Variants in SSH2 observed in about 807,000 individuals in gnomAD.
SSH2 encodes the protein slingshot protein phosphatase 2, also known as protein phosphatase Slingshot homolog 2.
A neutral mutation model predicts 135.2 loss-of-function variants in SSH2; 37 were observed. The ratio of observed to expected loss-of-function variants is 0.27; its 90% CI spans 0.21 to 0.36. The LOEUF is 0.36. Among genes scored for constraint, SSH2 ranks in the 10% least tolerant of loss-of-function variants. The pLI is 1.00. For missense variants in SSH2, 1,408 were observed against 1,765.3 expected (o/e 0.80, Z 3.63); for synonymous variants, 628 against 646.2 (o/e 0.97, Z 0.43).
At chr17:29,779,284 A>C (rs1598984910) in intron 3 of SSH2, among the ~76,000 whole-genome samples, 1 of 152,350 alleles carries the variant, frequency 6.6e-6, no homozygotes, top group South Asian at 2.1e-4. Flanking sequence ...TTCAGAAACA[A>C]AGAATACTTC....
At chr17:29,695,335 A>T in intron 5 of SSH2, 124 bp downstream of exon 5, 1 of 651,838 alleles carries the variant, frequency 1.5e-6, no homozygotes, top group Non-Finnish European at 2.6e-6. Flanking sequence ...AACACTCCAC[A>T]TTATCTTCTC....
At chr17:29,816,561 G>A (rs2042563206) in intron 2 of SSH2, among the ~76,000 whole-genome samples, 1 of 152,156 alleles carries the variant, frequency 6.6e-6, no homozygotes, top group South Asian at 2.1e-4. Context: ...GGTATGGTAG[G>A]TTAGTAGATA....
chr17:29,852,010 G>A (rs1280522084), intron 1 of SSH2, among the ~76,000 whole-genome samples: 2 of 152,112 alleles, frequency 1.3e-5, no homozygotes, highest in Non-Finnish European at 2.9e-5. Flanking sequence ...GGCTGGGCAC[G>A]GTGGCTCATG....
At chr17:29,692,202 A>C (rs1484465245) in intron 5 of SSH2, among the ~76,000 whole-genome samples, 1 of 152,068 alleles carries the variant, frequency 6.6e-6, no homozygotes, top group Non-Finnish European at 1.5e-5. Flanking sequence ...TTGACTATCA[A>C]ACTTTTAACC....
In SSH2 at chr17:29,636,413, G is replaced by C. The variant is rs201366205; in HGVS notation, c.1817C>G (p.Pro606Arg). Reference sequence around the variant, plus strand: ...GTTGGCCATTTCTGGGACATGTCCAGGCTGAATTAAGGCTTTGGATGCATG... The same window carrying C: ...GTTGGCCATTTCTGGGACATGTCCACGCTGAATTAAGGCTTTGGATGCATG... ...NCHASKALIQ[P>R]GHVPEMANKF... Residue 606 changes from proline to arginine, a missense_variant, in exon 15 of 16, where the codon CCT becomes CGT. By Grantham distance (103) the Pro-to-Arg change is moderately radical. This residue lies in a region of SSH2 where 1,080 missense variants were observed against 1,144.5 expected (regional missense o/e 0.94). Transcript: ENST00000540801. 313 of 1,614,116 alleles carry C rather than the reference G, an allele frequency of 1.9e-4. No homozygotes were observed. The highest frequency in any genetic ancestry group is 2.4e-4 in the Non-Finnish European group (281 of 1,180,062).
rs766582687 is a variant in SSH2, at chr17:29,632,017, G to A, written c.3177C>T (p.Thr1059=). 1.8e-5 allele frequency: 29 copies of A among 1,614,082 alleles called. No individual in the cohort carries two copies. Among genetic ancestry groups the A allele is most frequent in the Non-Finnish European group, 2.4e-5 (28 of 1,180,044 alleles). Reference sequence around the variant, plus strand: ...GCCCTTGCTCTCCGCTCTTCTCACTGGTGGCTATTTCACTCCCTGGCCCAG... The same window carrying A: ...GCCCTTGCTCTCCGCTCTTCTCACTAGTGGCTATTTCACTCCCTGGCCCAG... ...NHTGPGSEIA[T]SEKSGEQGLR... Residue 1059 remains threonine, a synonymous_variant, in exon 16 of 16, where the codon ACC becomes ACT. Transcript: ENST00000540801.
At chr17:29,759,220 A>T (rs995964115) in intron 3 of SSH2, among the ~76,000 whole-genome samples, 1 of 151,424 alleles carries the variant, frequency 6.6e-6, no homozygotes, top group African/African-American at 2.4e-5. Context: ...TATTTTTCTT[A>T]AGATGGAGTC....
chr17:29,894,839 C>T (rs1170465459), intron 1 of SSH2, among the ~76,000 whole-genome samples: 1 of 151,898 alleles, frequency 6.6e-6, no homozygotes, highest in African/African-American at 2.4e-5. Context: ...TCCACCTTCC[C>T]CCAATTAAGT....
In SSH2 at chr17:29,796,045, A is replaced by G. The variant is rs1345905012; in HGVS notation, c.145-2108T>C. 3.9e-5 allele frequency among the ~76,000 whole-genome samples: 6 copies of G among 152,134 alleles called. No homozygotes were observed. In the East Asian group the frequency reaches 5.8e-4, roughly 15 times the overall value. Reference sequence around the variant, plus strand: ...GGCGTGAGCCACCGTGCCCGGCCACATTATTTTTTAATTGCATTAAATATT... The same window carrying G: ...GGCGTGAGCCACCGTGCCCGGCCACGTTATTTTTTAATTGCATTAAATATT... On this transcript the variant is annotated intron_variant, in intron 2 of 15. Transcript: ENST00000540801.
chr17:29,798,447 G>A (rs934631362), intron 2 of SSH2, among the ~76,000 whole-genome samples: 1 of 152,044 alleles, frequency 6.6e-6, no homozygotes, highest in South Asian at 2.1e-4. Context: ...GTGAGCCACC[G>A]TGCCCAGCTC....
intron 3 of SSH2, among the ~76,000 whole-genome samples, chr17:29,705,968 C>T (rs1795721566): frequency 6.6e-6 from 1 of 152,096 alleles, no homozygotes; most frequent in Non-Finnish European, 1.5e-5. Flanking sequence ...AATATAAGCT[C>T]CAAGAGGGCA....
chr17:29,644,233 C>T (rs952373455), intron 14 of SSH2, among the ~76,000 whole-genome samples: 1 of 152,194 alleles, frequency 6.6e-6, no homozygotes, highest in African/African-American at 2.4e-5. Flanking sequence ...GAGGGTTTGG[C>T]TATTGGGGAG....
At chr17:29,676,968 G>T in intron 7 of SSH2, 83 bp from the exon 8 acceptor site, 1 of 1,181,248 alleles carries the variant, frequency 8.5e-7, no homozygotes, top group Non-Finnish European at 1.3e-6. Context: ...TGTATCCCAG[G>T]CTAAAAACAA....
rs1162589726 is a variant in SSH2, at chr17:29,732,357, G to C, written c.189-29295C>G. Among the ~76,000 whole-genome samples, 3 of 152,072 alleles carry C rather than the reference G, an allele frequency of 2.0e-5. No homozygotes were observed. In the East Asian group the frequency reaches 5.8e-4, roughly 29 times the overall value. On this transcript the variant is annotated intron_variant, in intron 3 of 15. Transcript: ENST00000540801. ...GCTTAGGCTTTACCTTTCACATTTG[G>C]AATAAATGTTGAATTCTGGACAATG...
At chr17:29,705,329 G>C (rs9303626) in intron 3 of SSH2, among the ~76,000 whole-genome samples, 18,578 of 152,088 alleles carry the variant, frequency 0.12, 2,863 homozygotes, top group African/African-American at 0.37. Flanking sequence ...AAAGTAGAGG[G>C]AATAACTATG....
At chr17:29,748,026 A>G (rs79728827) in intron 3 of SSH2, among the ~76,000 whole-genome samples, 1 of 151,540 alleles carries the variant, frequency 6.6e-6, no homozygotes, top group Non-Finnish European at 1.5e-5. Context: ...AGTAGTTTAG[A>G]AAAAAAAAGA....
chr17:29,712,691 C>A lies in SSH2; in HGVS notation c.189-9629G>T, dbSNP rs142094778. On this transcript the variant is annotated intron_variant, in intron 3 of 15. Transcript: ENST00000540801. ...TGGTGGCATGTGCCTGTAATCCCAG[C>A]TACTCGGAAGGCTGAGGCAGGAGAA... 9.8e-4 allele frequency among the ~76,000 whole-genome samples: 150 copies of A among 152,312 alleles called. 2 individuals carry two copies. In the Middle Eastern group the frequency reaches 0.01, roughly 10 times the overall value.
intron 3 of SSH2, among the ~76,000 whole-genome samples, chr17:29,730,483 T>G (rs969300299): frequency 2.0e-4 from 31 of 151,266 alleles, no homozygotes; most frequent in Middle Eastern, 6.8e-3. Context: ...TCACCCAGGC[T>G]GGAGCAGAAT....
intron 2 of SSH2, among the ~76,000 whole-genome samples, chr17:29,812,579 C>T (rs2042462755): frequency 6.6e-6 from 1 of 152,150 alleles, no homozygotes; most frequent in Non-Finnish European, 1.5e-5. Flanking sequence ...CCACTACGCC[C>T]AGCCTATTTA....
Sources: allele counts gnomAD v4.1 joint callset (sites outside exome capture counted in the v4.1 genomes callset), GRCh38; gene constraint gnomAD v4.1.1; regional missense constraint gnomAD v4.1.1; transcripts MANE v1.5; gene names NCBI Gene and HGNC (gene_info 2026-07-23, HGNC 2026-07-21).